Variants in ZNRF3 observed in about 807,000 individuals in gnomAD.
ZNRF3 encodes E3 ubiquitin-protein ligase ZNRF3.
Under a neutral mutation model 72.5 loss-of-function variants are expected in ZNRF3, and 23 were observed. The observed-to-expected ratio is 0.32, with a 90% CI of 0.23 to 0.45. The LOEUF is 0.45. ZNRF3 is among the 20% of genes least tolerant of loss of function. ZNRF3 has a pLI of 1.00. For synonymous variants in ZNRF3, 610 were observed against 545.3 expected, an observed-to-expected ratio of 1.12 and a Z score of -1.65; for missense variants, 1,169 against 1,272.1, an observed-to-expected ratio of 0.92 and a Z score of 1.23.
chr22:28,972,191 G>A (rs533495520), intron 1 of ZNRF3, among the ~76,000 whole-genome samples: 36 of 152,210 alleles, frequency 2.4e-4, no homozygotes, highest in Non-Finnish European at 2.6e-4. Context: ...ATTCAGAGTT[G>A]TACAACCATC....
intron 2 of ZNRF3, among the ~76,000 whole-genome samples, chr22:28,998,966 T>C (rs975817807): frequency 1.3e-5 from 2 of 151,946 alleles, no homozygotes; most frequent in Non-Finnish European, 2.9e-5. Flanking sequence ...GGGTCACAAA[T>C]GAGGCTAAAT....
At chr22:29,033,125 G>A (rs985616051) in intron 2 of ZNRF3, among the ~76,000 whole-genome samples, 1 of 152,178 alleles carries the variant, frequency 6.6e-6, no homozygotes, top group African/African-American at 2.4e-5. Flanking sequence ...CAAGGAGGGT[G>A]GATCACCTGA....
In ZNRF3 at chr22:29,048,673, C is replaced by T. The variant is rs1429680583; in HGVS notation, c.1015+182C>T. ...CTTAGGAGAGCTTGGCATTAAGAAT[C>T]ACCCTGAGTTCAAGTTTGGGCTTCA... On this transcript the variant is annotated intron_variant, in intron 7 of 8. Transcript: ENST00000544604. This position sits in a 1 kb window ranked among gnomAD's most constrained non-coding sequence, Gnocchi z 4.9. 6.6e-6 allele frequency among the ~76,000 whole-genome samples: 1 copy of T among 152,218 alleles called. No individual in the cohort carries two copies. The highest frequency in any genetic ancestry group is 2.4e-5 in the African/African-American group (1 of 41,452).
At chr22:29,019,577 T>A (rs564173634) in intron 2 of ZNRF3, among the ~76,000 whole-genome samples, 1 of 152,280 alleles carries the variant, frequency 6.6e-6, no homozygotes, top group South Asian at 2.1e-4. Flanking sequence ...AGTTCAAAAC[T>A]CAAACACAGG....
At chr22:28,933,754 TC>T (rs1454617607) in intron 1 of ZNRF3, among the ~76,000 whole-genome samples, 4 of 45,550 alleles carry the variant, frequency 8.8e-5, no homozygotes, top group Non-Finnish European at 1.7e-4. Context: ...ACACACTCAC[TC>T]TCTCTCTCTC....
At chr22:28,926,084 C>T (rs1169493834) in intron 1 of ZNRF3, among the ~76,000 whole-genome samples, 1 of 152,120 alleles carries the variant, frequency 6.6e-6, no homozygotes, top group Non-Finnish European at 1.5e-5. Context: ...CTATGGAGAC[C>T]CTGTTGTGTT....
intron 2 of ZNRF3, among the ~76,000 whole-genome samples, chr22:29,002,162 A>G (rs1475170511): frequency 6.6e-6 from 1 of 152,142 alleles, no homozygotes; most frequent in African/African-American, 2.4e-5. Flanking sequence ...GATTCCTTCA[A>G]TTTCAGCTCA....
chr22:28,926,173 C>T (rs1197386574), intron 1 of ZNRF3, among the ~76,000 whole-genome samples: 1 of 152,178 alleles, frequency 6.6e-6, no homozygotes, highest in Non-Finnish European at 1.5e-5. Flanking sequence ...TTCTAGTGGT[C>T]TGGCCTTGTG....
chr22:28,884,423 T>C (rs920021522), intron 1 of ZNRF3, among the ~76,000 whole-genome samples: 3 of 152,194 alleles, frequency 2.0e-5, no homozygotes, highest in Non-Finnish European at 2.9e-5. Context: ...AAAAGACAAG[T>C]GATGAGGGAT....
At chr22:28,995,611 G>C (rs1483470327) in intron 2 of ZNRF3, among the ~76,000 whole-genome samples, 2 of 152,036 alleles carry the variant, frequency 1.3e-5, no homozygotes, top group Non-Finnish European at 2.9e-5. Context: ...TCAGAATTTG[G>C]GCTTTTGTTT....
chr22:29,022,436 G>A (rs908023565), intron 2 of ZNRF3, among the ~76,000 whole-genome samples: 2 of 152,126 alleles, frequency 1.3e-5, no homozygotes, highest in South Asian at 2.1e-4. Context: ...TGGGGAGCCT[G>A]GTATTTCTGA....
Position 29,046,791 on chromosome 22 carries a change from C to T in ZNRF3, c.820C>T (p.Arg274Cys), listed in dbSNP as rs747273571. The T allele has an allele frequency of 1.6e-5, 25 of 1,611,640 alleles. No homozygotes were observed. The highest frequency in any genetic ancestry group is 2.2e-5 in the South Asian group (2 of 90,326). ...TRKFNSKSKG[R>C]REGSCGALDT... ...AAAGTTCAACTCCAAGAGCAAGGGG[C>T]GCCGGGAGGGGAGCTGTGGGGCCCT... Residue 274 changes from arginine to cysteine, a missense_variant, in exon 6 of 9, where the codon CGC becomes TGC. Physicochemically the swap from Arg to Cys is radical, Grantham distance 180. Transcript: ENST00000544604.
At chr22:28,978,788 C>G (rs1490596379) in intron 1 of ZNRF3, among the ~76,000 whole-genome samples, 2 of 152,092 alleles carry the variant, frequency 1.3e-5, no homozygotes, top group African/African-American at 4.8e-5. Context: ...GTGATTCTTT[C>G]TAAATTTCTG....
At chr22:28,905,188 C>T (rs986577175) in intron 1 of ZNRF3, among the ~76,000 whole-genome samples, 10 of 152,074 alleles carry the variant, frequency 6.6e-5, no homozygotes, top group African/African-American at 2.2e-4. Context: ...CCTCCTGCCT[C>T]GGCCTCCCAA....
intron 2 of ZNRF3, chr22:29,018,107 A>G: frequency 3.9e-6 from 2 of 516,748 alleles, no homozygotes; most frequent in Non-Finnish European, 3.9e-6. Flanking sequence ...GACCGGATCC[A>G]AACTGGATCC....
intron 2 of ZNRF3, among the ~76,000 whole-genome samples, chr22:28,989,078 C>T (rs2035907486): frequency 6.6e-6 from 1 of 152,156 alleles, no homozygotes; most frequent in Non-Finnish European, 1.5e-5. Flanking sequence ...TCATTAAGTG[C>T]TTCTTAAGTT....
chr22:28,900,633 T>C (rs1266152838), intron 1 of ZNRF3, among the ~76,000 whole-genome samples: 1 of 152,146 alleles, frequency 6.6e-6, no homozygotes, highest in Admixed American at 6.5e-5. Context: ...TCTGTTGTTG[T>C]GGAGGGCTTG....
chr22:28,970,317 A>G (rs2035546328), intron 1 of ZNRF3, among the ~76,000 whole-genome samples: 1 of 152,234 alleles, frequency 6.6e-6, no homozygotes, highest in African/African-American at 2.4e-5. Context: ...CCACAATGAG[A>G]TACTGCTACG....
At chr22:29,011,655 A>G (rs1488615574) in intron 2 of ZNRF3, among the ~76,000 whole-genome samples, 1 of 152,236 alleles carries the variant, frequency 6.6e-6, no homozygotes, top group Non-Finnish European at 1.5e-5. Context: ...AGTTAAAACA[A>G]TATGCAGGCA....
Sources: gnomAD v4.1 joint callset for allele counts (sites outside exome capture counted in the v4.1 genomes callset) on GRCh38, gnomAD v4.1.1 for gene constraint, Gnocchi (gnomAD v3.1) non-coding constraint, MANE v1.5 for transcripts, NCBI Gene and HGNC (gene_info 2026-07-23, HGNC 2026-07-21) for gene names.